Variants in NFAT5 observed in about 807,000 individuals in gnomAD.
NFAT5 encodes the protein nuclear factor of activated T-cells 5.
Under a neutral mutation model 166.5 loss-of-function variants are expected in NFAT5, and 31 were observed. That is an observed-to-expected ratio of 0.19 (90% CI 0.14 to 0.25). The LOEUF (loss-of-function observed/expected upper bound fraction) is 0.25. NFAT5 is among the 10% of genes least tolerant of loss of function. NFAT5 has a pLI of 1.00. For missense variants in NFAT5, 1,449 were observed against 1,821.8 expected, an observed-to-expected ratio of 0.80 and a Z score of 3.72; for synonymous variants, 612 against 639.7, an observed-to-expected ratio of 0.96 and a Z score of 0.65.
At chr16:69,583,582 C>T (rs1597353058) in intron 2 of NFAT5, among the ~76,000 whole-genome samples, 3 of 152,106 alleles carry the variant, frequency 2.0e-5, no homozygotes, top group African/African-American at 7.2e-5. Context: ...ATGATAAAAT[C>T]TGTAAAATAT....
chr16:69,566,012 G>A lies in NFAT5; in HGVS notation c.-290G>A. ...GCGGTGGCGGCGACCGTCAGTTTTC[G>A]CTGAGGAGAAACACGAAACGGACCC... On this transcript the variant is annotated 5_prime_UTR_variant, in exon 1 of 15. Transcript: ENST00000349945. This position sits in a 1 kb window ranked among gnomAD's most constrained non-coding sequence, Gnocchi z 5.7. 5.8e-6 allele frequency: 2 copies of A among 346,874 alleles called. No homozygotes were observed. Among genetic ancestry groups the A allele is most frequent in the South Asian group, 7.0e-5 (2 of 28,694 alleles). 21.5% of individuals were successfully genotyped at this position (346,874 alleles called of 1,614,324 possible).
At chr16:69,600,808 T>C (rs2033094501) in intron 2 of NFAT5, among the ~76,000 whole-genome samples, 1 of 150,634 alleles carries the variant, frequency 6.6e-6, no homozygotes, top group African/African-American at 2.4e-5. Flanking sequence ...AGGAAGATCT[T>C]GAATTCATAG....
intron 2 of NFAT5, among the ~76,000 whole-genome samples, chr16:69,588,715 T>G (rs1241603863): frequency 6.6e-6 from 1 of 152,184 alleles, no homozygotes; most frequent in Non-Finnish European, 1.5e-5. Flanking sequence ...TAGCAATCAT[T>G]TATTTTATGA....
rs1251124479 is a variant in NFAT5 at position 69,568,528 on chromosome 16, A to G, written c.107A>G (p.His36Arg). The G allele has an allele frequency of 6.2e-7, 1 of 1,613,356 alleles. No individual in the cohort carries two copies. The highest frequency in any genetic ancestry group is 8.5e-7 in the Non-Finnish European group (1 of 1,179,628). ...SLKLHPSQNF[H>R]RAGLLEESVY... The stretch of plus-strand genomic sequence containing the variant: ...AAGTTACACCCATCACAGAATTTTC[A>G]TAGAGCTGGACTATTGGAAGGTCAG... The change falls in exon 2 of 15, where the codon CAT becomes CGT. Residue 36 changes from histidine (H) to arginine (R), a missense_variant. By Grantham distance (29) the His-to-Arg change is conservative. This residue lies in a region of NFAT5 where 172 missense variants were observed against 194.5 expected (regional missense o/e 0.88). Transcript: ENST00000349945.
chr16:69,695,035 A>C, intron 13 of NFAT5, 101 bp from the exon 14 acceptor site: 1 of 879,390 alleles, frequency 1.1e-6, no homozygotes, highest in Non-Finnish European at 1.8e-6. Flanking sequence ...ACAACTAATA[A>C]ATATCTTTTC....
Position 69,647,168 on chromosome 16 carries a change from G to T in NFAT5, c.394G>T (p.Val132Leu), listed in dbSNP as rs772975872. ...GGAGAGCTGCTCCTCAGCCGTGGGG[G>T]TAAGTAACAGAGGGGTAAGTGAAAA... ...QVESCSSAVG[V>L]SNRGVSEKQL... is the part of the protein sequence containing the mutation. Residue 132 changes from valine to leucine, a missense_variant, in exon 4 of 15, where the codon GTA (valine) becomes TTA (leucine). Val to Leu is a conservative substitution (Grantham distance 32). Coordinates refer to ENST00000349945, the MANE Select transcript of NFAT5 (RefSeq NM_138713.4). This position sits in a 1 kb window ranked among gnomAD's most constrained non-coding sequence, Gnocchi z 4.8. The T allele has an allele frequency of 6.2e-7, 1 of 1,614,120 alleles. No individual in the cohort carries two copies. The highest frequency in any genetic ancestry group is 1.7e-5 in the Admixed American group (1 of 60,006).
intron 2 of NFAT5, among the ~76,000 whole-genome samples, chr16:69,610,996 G>C (rs2033681570): frequency 6.6e-6 from 1 of 152,080 alleles, no homozygotes; most frequent in South Asian, 2.1e-4. Flanking sequence ...TACTGTGTGT[G>C]TACCTATGCA....
Position 69,630,093 on chromosome 16 carries a change from T to C in NFAT5, c.253+3565T>C, listed in dbSNP as rs1017858543. Among the ~76,000 whole-genome samples, 7 of 151,974 alleles carry C rather than the reference T, an allele frequency of 4.6e-5. No homozygotes were observed. The South Asian group carries it at 1.2e-3, about 27-fold the overall frequency. ...CTGGGATTGCAGGTGCACGCCACCATGCCCAGCAAATTTTTGTATTTTTAG... is the reference window on the plus strand; with the variant it reads ...CTGGGATTGCAGGTGCACGCCACCACGCCCAGCAAATTTTTGTATTTTTAG... On this transcript the variant is annotated intron_variant, in intron 3 of 14. Transcript: ENST00000349945.
intron 10 of NFAT5, among the ~76,000 whole-genome samples, chr16:69,683,609 A>G (rs1489267128): frequency 6.6e-6 from 1 of 152,224 alleles, no homozygotes; most frequent in Non-Finnish European, 1.5e-5. Flanking sequence ...TTTGTAATTT[A>G]TTAAACTTTA....
At chr16:69,593,322 G>A (rs1401545354) in intron 2 of NFAT5, among the ~76,000 whole-genome samples, 1 of 152,072 alleles carries the variant, frequency 6.6e-6, no homozygotes, top group African/African-American at 2.4e-5. Context: ...TTGCAGCACA[G>A]TTACTTCTTT....
intron 4 of NFAT5, chr16:69,648,945 T>C: frequency 1.0e-6 from 1 of 976,630 alleles, no homozygotes; most frequent in African/African-American, 1.7e-5. Flanking sequence ...CAATAATTAC[T>C]CTACACCGCT....
intron 2 of NFAT5, among the ~76,000 whole-genome samples, chr16:69,605,818 A>G (rs1038629477): frequency 4.0e-5 from 6 of 151,448 alleles, no homozygotes; most frequent in Admixed American, 2.6e-4. Flanking sequence ...GGTTCACGCC[A>G]TTCTCCTGCC....
At chr16:69,648,245 C>CA (rs1207461376) in intron 4 of NFAT5, 4 of 984,180 alleles carry the variant, frequency 4.1e-6, no homozygotes, top group African/African-American at 3.5e-5. Flanking sequence ...CAAAACAACT[C>CA]AAACAGTCAC....
In NFAT5 at chr16:69,678,265, A is replaced by G. The variant is rs547614998; in HGVS notation, c.1690+930A>G. Among the ~76,000 whole-genome samples the G allele has an allele frequency of 6.0e-5, 9 of 151,140 alleles. No homozygotes were observed. In the South Asian group the frequency reaches 1.9e-3, roughly 32 times the overall value. On this transcript the variant is annotated intron_variant, in intron 10 of 14. Transcript: ENST00000349945. ...AGTCTCGCTGTGTCGCCCAGGCTGG[A>G]GTGCAATGGCGCGATCTTGGCTCAC...
chr16:69,650,627 G>A (rs961028799), intron 4 of NFAT5, among the ~76,000 whole-genome samples: 1 of 151,980 alleles, frequency 6.6e-6, no homozygotes, highest in South Asian at 2.1e-4. Context: ...AACATGTCTT[G>A]CCAAGTTAAT....
chr16:69,633,172 AT>A (rs2034793835), intron 3 of NFAT5, among the ~76,000 whole-genome samples: 1 of 152,130 alleles, frequency 6.6e-6, no homozygotes, highest in Admixed American at 6.5e-5. Flanking sequence ...TTCTCTTTTT[AT>A]TGTCCTCTTA....
At chr16:69,582,040 G>A (rs878958271) in intron 2 of NFAT5, among the ~76,000 whole-genome samples, 2 of 152,118 alleles carry the variant, frequency 1.3e-5, no homozygotes, top group Admixed American at 6.6e-5. Context: ...CGAGGAGGGC[G>A]GATCATTTGA....
chr16:69,694,307 G>GA, intron 13 of NFAT5, 68 bp downstream of exon 13: 1 of 1,268,518 alleles, frequency 7.9e-7, no homozygotes, highest in Non-Finnish European at 1.1e-6. Flanking sequence ...AGAGTGCAGT[G>GA]GTGCGATCTC....
In NFAT5 at chr16:69,693,491, G is replaced by A. The variant is rs139231335; in HGVS notation, c.3666G>A (p.Pro1222=). 35 of 1,613,926 alleles carry A rather than the reference G, an allele frequency of 2.2e-5. No homozygotes were observed. Among genetic ancestry groups the A allele is most frequent in the Admixed American group, 6.7e-5 (4 of 59,992 alleles). The change falls in exon 13 of 15, where the codon CCG becomes CCA. Residue 1222 remains proline, a synonymous_variant. Transcript: ENST00000349945. ...PMLSQEQAQP[P]QQGLFQPQVA... ...TTTCCCAAGAACAGGCACAACCCCC[G>A]CAGCAGGGTTTATTTCAGCCTCAGG...
Sources: gnomAD v4.1 joint callset for allele counts (sites outside exome capture counted in the v4.1 genomes callset) on GRCh38, gnomAD v4.1.1 for gene constraint, gnomAD v4.1.1 regional missense constraint, Gnocchi (gnomAD v3.1) non-coding constraint, MANE v1.5 for transcripts, NCBI Gene and HGNC (gene_info 2026-07-23, HGNC 2026-07-21) for gene names.